Variants in LRRC42 observed in about 807,000 individuals in gnomAD.
LRRC42 encodes leucine-rich repeat-containing protein 42.
A neutral mutation model predicts 44.3 loss-of-function variants in LRRC42; 43 were observed. That is an observed-to-expected ratio of 0.97 (90% CI 0.76 to 1.25). The LOEUF (loss-of-function observed/expected upper bound fraction) is 1.25. Among genes scored for constraint, LRRC42 ranks in the 50% most tolerant of loss-of-function variants. The pLI, the probability that LRRC42 is intolerant of heterozygous loss-of-function variation, is 0.00. For missense variants in LRRC42, 540 were observed against 509.1 expected (o/e 1.06, Z -0.58); for synonymous variants, 207 against 195.2 (o/e 1.06, Z -0.50).
At chr1:53,951,608 A>G (rs974085749) in intron 2 of LRRC42, among the ~76,000 whole-genome samples, 1 of 152,174 alleles carries the variant, frequency 6.6e-6, no homozygotes, top group Non-Finnish European at 1.5e-5. Context: ...TATTTTTAGT[A>G]GAGATGGGGT....
intron 3 of LRRC42, among the ~76,000 whole-genome samples, chr1:53,955,137 AAAG>A (rs1263197150): frequency 1.3e-5 from 2 of 152,168 alleles, no homozygotes; most frequent in Non-Finnish European, 2.9e-5. Context: ...TAGAAGGAAA[AAAG>A]AAATCTACCA....
In LRRC42 at chr1:53,966,341, C is replaced by CG; in HGVS notation, c.976dup (p.Glu326GlyfsTer6). The CG allele has an allele frequency of 6.2e-7, 1 of 1,613,948 alleles. No homozygotes were observed. Among genetic ancestry groups the CG allele is most frequent in the Non-Finnish European group, 8.5e-7 (1 of 1,179,794 alleles). ...TGTGACTGCGGAAGCTGTGAAGCCACGGGAGACCTCGGAGCCTAGAGCAGC... is the reference window on the plus strand; with the variant it reads ...TGTGACTGCGGAAGCTGTGAAGCCACGGGGAGACCTCGGAGCCTAGAGCAGC... On this transcript the variant is annotated frameshift_variant, in exon 8 of 9. Coordinates refer to ENST00000371370, the MANE Select transcript of LRRC42 (RefSeq NM_001256409.2). LOFTEE classifies it high-confidence loss of function.
At chr1:53,963,110 A>G (rs1466586341) in intron 7 of LRRC42, among the ~76,000 whole-genome samples, 1 of 152,126 alleles carries the variant, frequency 6.6e-6, no homozygotes, top group Non-Finnish European at 1.5e-5. Context: ...GGAGGCCTAG[A>G]GGACCCACCA....
At position 53,966,295 on chromosome 1, in the gene LRRC42, G is replaced by C; in HGVS notation, c.928-1G>C. On this transcript the variant is annotated splice_acceptor_variant, in intron 7 of 8. Coordinates refer to ENST00000371370, the MANE Select transcript of LRRC42 (RefSeq NM_001256409.2). LOFTEE classifies it high-confidence loss of function. ...TTCAAATCTTTCCAAATATGTTTCAGATCGTTCTGCAGTGGGAGCGTGTGA... is the reference window on the plus strand; with the variant it reads ...TTCAAATCTTTCCAAATATGTTTCACATCGTTCTGCAGTGGGAGCGTGTGA... The C allele has an allele frequency of 6.2e-7, 1 of 1,610,900 alleles. No individual in the cohort carries two copies. Among genetic ancestry groups the C allele is most frequent in the Non-Finnish European group, 8.5e-7 (1 of 1,177,104 alleles).
At chr1:53,950,895 C>G (rs1431878132) in intron 2 of LRRC42, among the ~76,000 whole-genome samples, 1 of 152,072 alleles carries the variant, frequency 6.6e-6, no homozygotes, top group Non-Finnish European at 1.5e-5. Context: ...TTATGTAGCT[C>G]TTGTAATGGA....
At chr1:53,947,129 A>G (rs1654513422) in intron 1 of LRRC42, among the ~76,000 whole-genome samples, 1 of 149,934 alleles carries the variant, frequency 6.7e-6, no homozygotes, top group South Asian at 2.1e-4. Flanking sequence ...AGTGTGGGGA[A>G]GGAAGGGGAG....
intron 5 of LRRC42, 64 bp from the exon 6 acceptor site, chr1:53,961,970 T>C: frequency 7.9e-7 from 1 of 1,263,692 alleles, no homozygotes; most frequent in Non-Finnish European, 1.1e-6. Context: ...CTGAGCTTAT[T>C]TTTGGTTGTC....
At chr1:53,957,533 C>G (rs541995626) in intron 3 of LRRC42, among the ~76,000 whole-genome samples, 2 of 152,300 alleles carry the variant, frequency 1.3e-5, no homozygotes, top group African/African-American at 4.8e-5. Flanking sequence ...GTTGCTCGTG[C>G]TCAGGGTTTG....
chr1:53,957,397 C>A (rs1185364447), intron 3 of LRRC42, among the ~76,000 whole-genome samples: 2 of 152,194 alleles, frequency 1.3e-5, no homozygotes, highest in African/African-American at 2.4e-5. Flanking sequence ...GATAGATGAA[C>A]CACTAGAAAG....
At chr1:53,958,074 A>G (rs1387474245) in intron 3 of LRRC42, 75 bp from the exon 4 acceptor site, 48 of 1,582,558 alleles carry the variant, frequency 3.0e-5, no homozygotes, top group East Asian at 6.8e-5. Flanking sequence ...GATATTGACT[A>G]TGATACAAAT....
intron 7 of LRRC42, among the ~76,000 whole-genome samples, chr1:53,963,952 C>CT (rs1024064146): frequency 8.4e-6 from 1 of 118,598 alleles, no homozygotes; most frequent in Non-Finnish European, 1.7e-5. Flanking sequence ...TGCCCACCCC[C>CT]CCCCCATCTT....
intron 3 of LRRC42, among the ~76,000 whole-genome samples, chr1:53,953,581 G>A (rs904505055): frequency 1.7e-4 from 26 of 152,008 alleles, no homozygotes; most frequent in Middle Eastern, 6.8e-3. Context: ...GGATGGTGTC[G>A]ATCTCCTGAC....
chr1:53,953,755 C>T (rs1464390399), intron 3 of LRRC42, among the ~76,000 whole-genome samples: 5 of 148,586 alleles, frequency 3.4e-5, no homozygotes, highest in African/African-American at 9.9e-5. Context: ...TTTTTTGAGA[C>T]GGAATTTTCC....
chr1:53,946,791 G>A (rs1654488344), intron 1 of LRRC42, among the ~76,000 whole-genome samples: 1 of 151,908 alleles, frequency 6.6e-6, no homozygotes, highest in African/African-American at 2.4e-5. Context: ...GGGACAGGGA[G>A]CAGGATTAGC....
In LRRC42 at chr1:53,966,390, T is replaced by A. The variant is rs1173612010; in HGVS notation, c.1012+10T>A. 2 of 1,608,426 alleles carry A rather than the reference T, an allele frequency of 1.2e-6. No homozygotes were observed. The highest frequency in any genetic ancestry group is 8.5e-7 in the Non-Finnish European group (1 of 1,175,042). Reference sequence around the variant, plus strand: ...GCAGCTCAGCGCTTCTGTGAGAAATTCCCTTTCCTTTGAAGTTTTTTGCCC... The same window carrying A: ...GCAGCTCAGCGCTTCTGTGAGAAATACCCTTTCCTTTGAAGTTTTTTGCCC... On this transcript the variant is annotated intron_variant, in intron 8 of 8. Transcript: ENST00000371370.
Position 53,962,127 on chromosome 1 carries a change from G to C in LRRC42, c.813+5G>C. 1 of 1,608,898 alleles carries C rather than the reference G, an allele frequency of 6.2e-7. No individual in the cohort carries two copies. The highest frequency in any genetic ancestry group is 2.2e-5 in the East Asian group (1 of 44,834). On this transcript the variant is annotated splice_donor_5th_base_variant and intron_variant, in intron 6 of 8. Transcript: ENST00000371370. The stretch of plus-strand genomic sequence containing the variant: ...ATCTCTGGGACAGGGCTCAAGGTAA[G>C]ACTTTTGGTTCCTTCTCTCATTTTT...
intron 3 of LRRC42, among the ~76,000 whole-genome samples, chr1:53,955,406 C>T (rs1258858503): frequency 1.3e-5 from 2 of 151,948 alleles, no homozygotes; most frequent in Non-Finnish European, 2.9e-5. Flanking sequence ...AGGTGATTCT[C>T]CCACCTCAGC....
chr1:53,955,948 A>C (rs1654826753), intron 3 of LRRC42, among the ~76,000 whole-genome samples: 2 of 152,178 alleles, frequency 1.3e-5, no homozygotes. Flanking sequence ...TTTAGCCCAT[A>C]TTTTATTGCA....
chr1:53,964,213 C>T (rs1655069066), intron 7 of LRRC42, among the ~76,000 whole-genome samples: 1 of 151,974 alleles, frequency 6.6e-6, no homozygotes, highest in Non-Finnish European at 1.5e-5. Context: ...TAGAAACATG[C>T]ATGACTTATG....
Sources: allele counts gnomAD v4.1 joint callset (sites outside exome capture counted in the v4.1 genomes callset), GRCh38; gene constraint gnomAD v4.1.1; transcripts MANE v1.5; gene names NCBI Gene and HGNC (gene_info 2026-07-23, HGNC 2026-07-21).